GMPR2: variants seen among roughly 807,000 people sequenced by gnomAD.
GMPR2 encodes guanosine monophosphate reductase 2.
In GMPR2, 32 loss-of-function variants were observed where a neutral mutation model predicts 38.5. The observed-to-expected ratio is 0.83, with a 90% confidence interval of 0.63 to 1.12. The LOEUF (loss-of-function observed/expected upper bound fraction) is 1.12, where lower values mean the gene tolerates loss of function less well. GMPR2 is among the 50% of genes most tolerant of loss of function. The probability of loss-of-function intolerance (pLI) is 0.00; values close to 1 mark genes in which losing one functional copy is unlikely to be tolerated. For synonymous variants in GMPR2, 154 were observed against 151.0 expected, an observed-to-expected ratio of 1.02 and a Z score of -0.15; for missense variants, 396 against 432.1, an observed-to-expected ratio of 0.92 and a Z score of 0.74.
rs1359188794 is a variant in GMPR2 at position 24,233,521 on chromosome 14, A to G, written c.130A>G (p.Thr44Ala). The G allele has an allele frequency of 1.9e-6, 3 of 1,614,060 alleles. No homozygotes were observed. The highest frequency in any genetic ancestry group is 2.5e-6 in the Non-Finnish European group (3 of 1,179,928). The change falls in exon 3 of 10, where the codon ACA becomes GCA. Residue 44 changes from threonine (T) to alanine (A), a missense_variant. By Grantham distance (58) the Thr-to-Ala change is moderately conservative (BLOSUM62 0). Coordinates refer to ENST00000399440, the MANE Select transcript of GMPR2 (RefSeq NM_001002002.3). ...CTTTTCATTTCGGAACTCAAAGCAG[A>G]CATACTCTGGGGTTCCCATCATTGC... is the stretch of plus-strand genomic sequence containing the variant. Reference protein sequence around the residue: ...RSFSFRNSKQTYSGVPIIAAN... With the variant: ...RSFSFRNSKQAYSGVPIIAAN...
chr14:24,233,830 A>G (rs2040203556), intron 3 of GMPR2: 12 of 616,898 alleles, frequency 1.9e-5, no homozygotes, highest in Non-Finnish European at 3.4e-5. Flanking sequence ...TGATATATGA[A>G]CAGAATTTTC....
chr14:24,236,594 T>C (rs1339072336), intron 5 of GMPR2, among the ~76,000 whole-genome samples: 1 of 152,250 alleles, frequency 6.6e-6, no homozygotes, highest in Non-Finnish European at 1.5e-5. Flanking sequence ...TAGCCTATAC[T>C]ACCATGCCTT....
In GMPR2 at chr14:24,238,555, AAGG is replaced by A. The variant is rs781254708; in HGVS notation, c.858-31_858-29del. 5 of 1,614,030 alleles carry A rather than the reference AAGG, an allele frequency of 3.1e-6. No homozygotes were observed. The African/African-American group carries it at 6.7e-5, about 22-fold the overall frequency. ...AAGTCCCTGGGCTTAAGGAATCCAG[AAGG>A]AGAAGATAATAAAGTTTTTCCTACT... On this transcript the variant is annotated intron_variant, in intron 9 of 9. Coordinates refer to ENST00000399440, the MANE Select transcript of GMPR2 (RefSeq NM_001002002.3).
chr14:24,237,382 C>A, intron 7 of GMPR2, 31 bp downstream of exon 7: 1 of 1,510,476 alleles, frequency 6.6e-7, no homozygotes. Flanking sequence ...AGGGTATGAG[C>A]GGGGTTTCTG....
chr14:24,233,405 G>C, intron 2 of GMPR2, 65 bp downstream of exon 2: 2 of 1,609,458 alleles, frequency 1.2e-6, no homozygotes, highest in Non-Finnish European at 8.5e-7. Flanking sequence ...AACCAAGAAA[G>C]ATGCCTGTCC....
At position 24,233,350 on chromosome 14, in the gene GMPR2, C is replaced by G; in HGVS notation, c.87+10C>G. The G allele has an allele frequency of 6.2e-7, 1 of 1,613,632 alleles. No homozygotes were observed. Among genetic ancestry groups the G allele is most frequent in the Non-Finnish European group, 8.5e-7 (1 of 1,179,590 alleles). On this transcript the variant is annotated intron_variant, in intron 2 of 9. Coordinates refer to ENST00000399440, the MANE Select transcript of GMPR2 (RefSeq NM_001002002.3). ...TAAGTCTCGAAGTGAGGTGAGCAAG[C>G]TTCTCTACTTGCTGTTTCTTGACCC...
chr14:24,238,058 T>A, intron 8 of GMPR2, 188 bp from the exon 9 acceptor site: 1 of 559,030 alleles, frequency 1.8e-6, no homozygotes, highest in South Asian at 2.7e-5. Context: ...GGGGAAATCA[T>A]ACCCACTGAG....
intron 3 of GMPR2, among the ~76,000 whole-genome samples, chr14:24,234,689 G>A (rs1289382336): frequency 1.3e-5 from 2 of 152,182 alleles, no homozygotes; most frequent in Non-Finnish European, 2.9e-5. Context: ...TAAAAAGGTT[G>A]GATGCAAGCA....
intron 1 of GMPR2, 42 bp downstream of exon 1, chr14:24,233,019 G>C (rs1295386024): frequency 1.6e-6 from 1 of 635,950 alleles, no homozygotes. Flanking sequence ...CCCTTTCCCA[G>C]CTCTCCTCCC....
In GMPR2 at chr14:24,233,341, G is replaced by A. The variant is rs2138938653; in HGVS notation, c.87+1G>A. 1.2e-6 allele frequency: 2 copies of A among 1,614,044 alleles called. No individual in the cohort carries two copies. The highest frequency in any genetic ancestry group is 8.5e-7 in the Non-Finnish European group (1 of 1,179,946). On this transcript the variant is annotated splice_donor_variant, in intron 2 of 9. Transcript: ENST00000399440. LOFTEE classifies it high-confidence loss of function. The stretch of plus-strand genomic sequence containing the variant: ...CAGTACCCTTAAGTCTCGAAGTGAG[G>A]TGAGCAAGCTTCTCTACTTGCTGTT...
rs1010749067 is a variant in GMPR2, at chr14:24,235,940, A to G, written c.292-27A>G. ...GGCTGCCCACCAGATCATCTCTGAT[A>G]TGCCAATGACTCTGTTTCTCCCACA... On this transcript the variant is annotated intron_variant, in intron 4 of 9. Transcript: ENST00000399440. The G allele has an allele frequency of 3.1e-6, 5 of 1,611,710 alleles. No homozygotes were observed. In the South Asian group the frequency reaches 5.5e-5, roughly 18 times the overall value.
At chr14:24,236,695 A>G (rs1235429434) in intron 5 of GMPR2, among the ~76,000 whole-genome samples, 1 of 152,148 alleles carries the variant, frequency 6.6e-6, no homozygotes, top group Non-Finnish European at 1.5e-5. Flanking sequence ...AGCTAAATCT[A>G]CTGTAAATCA....
intron 3 of GMPR2, chr14:24,235,316 A>G (rs17102232): frequency 1.8e-3 from 330 of 179,156 alleles, no homozygotes; most frequent in African/African-American, 7.5e-3. Flanking sequence ...ATGAACGAGA[A>G]CATAACCAAA....
chr14:24,238,590 G>C lies in GMPR2; in HGVS notation c.859G>C (p.Ala287Pro). Residue 287 changes from alanine (A) to proline (P), a missense_variant and splice_region_variant, in exon 10 of 10, where the codon GCC becomes CCC. Physicochemically the swap from Ala to Pro is conservative, Grantham distance 27. Coordinates refer to ENST00000399440, the MANE Select transcript of GMPR2 (RefSeq NM_001002002.3). ...KYAGGVAEYR[A>P]SEGKTVEVPF... ...TAATAAAGTTTTTCCTACTTTAAGA[G>C]CCTCAGAGGGAAAGACAGTGGAAGT... The C allele has an allele frequency of 1.2e-6, 2 of 1,614,044 alleles. No individual in the cohort carries two copies. Among genetic ancestry groups the C allele is most frequent in the Non-Finnish European group, 1.7e-6 (2 of 1,179,964 alleles).
Position 24,233,473 on chromosome 14 carries a change from C to T in GMPR2, c.88-6C>T. 6.2e-7 allele frequency: 1 copy of T among 1,613,416 alleles called. No individual in the cohort carries two copies. The highest frequency in any genetic ancestry group is 1.3e-5 in the African/African-American group (1 of 75,024). ...GAAATGGTCAATTTCCTGTTCATAT[C>T]TGCAGGTGGATCTCACAAGATCCTT... On this transcript the variant is annotated splice_polypyrimidine_tract_variant and splice_region_variant and intron_variant, in intron 2 of 9. Transcript: ENST00000399440.
Position 24,239,041 on chromosome 14 carries a change from C to A in GMPR2, c.*263C>A. ...CAAATGGGAATCTGGGGACCCAACA[C>A]AACATCCTGAAGATTATTAAAAGGA... is the stretch of plus-strand genomic sequence containing the variant. On this transcript the variant is annotated 3_prime_UTR_variant, in exon 10 of 10. Coordinates refer to ENST00000399440, the MANE Select transcript of GMPR2 (RefSeq NM_001002002.3). 1 of 571,156 alleles carries A rather than the reference C, an allele frequency of 1.8e-6. No individual in the cohort carries two copies. The highest frequency in any genetic ancestry group is 1.5e-5 in the South Asian group (1 of 65,554). 35.4% of individuals were successfully genotyped at this position (571,156 alleles called of 1,614,324 possible).
At chr14:24,235,699 G>A (rs918878899) in intron 3 of GMPR2, 38 bp from the exon 4 acceptor site, 2 of 1,378,072 alleles carry the variant, frequency 1.5e-6, no homozygotes, top group Non-Finnish European at 2.1e-6. Context: ...CCTTAATAAA[G>A]TTTTCTCCCT....
In GMPR2 at chr14:24,237,304, A is replaced by G; in HGVS notation, c.607A>G (p.Met203Val). 6.2e-7 allele frequency: 1 copy of G among 1,612,754 alleles called. No individual in the cohort carries two copies. Among genetic ancestry groups the G allele is most frequent in the Non-Finnish European group, 8.5e-7 (1 of 1,178,696 alleles). ...GGGGTATCCACAGCTCAGCGCAGTG[A>G]TGGAGTGTGCAGATGCTGCTCATGG... ...GVGYPQLSAVMECADAAHGLK... is the reference protein window; with the variant it reads ...GVGYPQLSAVVECADAAHGLK... The change falls in exon 7 of 10, where the codon ATG becomes GTG. Residue 203 changes from methionine to valine, a missense_variant. Transcript: ENST00000399440.
chr14:24,236,801 G>A (rs1051191740), intron 5 of GMPR2, among the ~76,000 whole-genome samples: 4 of 152,180 alleles, frequency 2.6e-5, no homozygotes, highest in African/African-American at 9.7e-5. Flanking sequence ...TGTTGCCTTA[G>A]AAAAGTGCAT....
Sources: gnomAD v4.1 joint callset for allele counts (sites outside exome capture counted in the v4.1 genomes callset) on GRCh38, gnomAD v4.1.1 for gene constraint, MANE v1.5 for transcripts, NCBI Gene and HGNC (gene_info 2026-07-23, HGNC 2026-07-21) for gene names.